CELSR1: variants seen among roughly 807,000 people sequenced by gnomAD.
CELSR1 encodes cadherin EGF LAG seven-pass G-type receptor 1.
A neutral mutation model predicts 249.1 loss-of-function variants in CELSR1; 110 were observed. The observed-to-expected ratio is 0.44, with a 90% CI of 0.38 to 0.52. The LOEUF (loss-of-function observed/expected upper bound fraction) is 0.52. Among genes scored for constraint, CELSR1 ranks in the 20% least tolerant of loss-of-function variants. CELSR1 has a pLI of 0.00. For missense variants in CELSR1, 4,109 were observed against 4,296.4 expected (o/e 0.96, Z 1.22); for synonymous variants, 2,113 against 1,900.0 (o/e 1.11, Z -2.92).
rs371626351 is a variant in CELSR1, at chr22:46,407,195, A to G, written c.5226+1801T>C. 1.3e-3 allele frequency among the ~76,000 whole-genome samples: 194 copies of G among 152,270 alleles called. 5 individuals are homozygous for G. In the South Asian group the frequency reaches 0.033, roughly 26 times the overall value. On this transcript the variant is annotated intron_variant, in intron 9 of 34. Coordinates refer to ENST00000674500, the MANE Select transcript of CELSR1 (RefSeq NM_001378328.1). The surrounding 1 kb of genome is among the most constrained non-coding windows in gnomAD (Gnocchi z 4.8). ...TCAGTGCTGCTCTGAGACCATGTGCACCCAGGTCTCATCACATGGGTGCAC... is the reference window on the plus strand; with the variant it reads ...TCAGTGCTGCTCTGAGACCATGTGCGCCCAGGTCTCATCACATGGGTGCAC...
chr22:46,374,973 C>T lies in CELSR1; in HGVS notation c.7585-1916G>A, dbSNP rs149311830. On this transcript the variant is annotated intron_variant, in intron 24 of 34. Coordinates refer to ENST00000674500, the MANE Select transcript of CELSR1 (RefSeq NM_001378328.1). This position sits in a 1 kb window ranked among gnomAD's most constrained non-coding sequence, Gnocchi z 4.3. ...CTGGTCTGACACACGCCTCGGGGCTCGTCCTTCATGGGCCAGGCCTGGTGC... is the reference window on the plus strand; with the variant it reads ...CTGGTCTGACACACGCCTCGGGGCTTGTCCTTCATGGGCCAGGCCTGGTGC... Among the ~76,000 whole-genome samples the T allele has an allele frequency of 3.3e-5, 5 of 152,224 alleles. No homozygotes were observed. Among genetic ancestry groups the T allele is most frequent in the African/African-American group, 1.2e-4 (5 of 41,550 alleles).
At chr22:46,444,124 G>A (rs1011636996) in intron 2 of CELSR1, among the ~76,000 whole-genome samples, 5 of 152,224 alleles carry the variant, frequency 3.3e-5, no homozygotes, top group Admixed American at 2.0e-4. Flanking sequence ...TGAGGCCCAG[G>A]CCCATGACCT....
rs956196298 is a variant in CELSR1 at position 46,518,280 on chromosome 22, C to G, written c.3544+15347G>C. Among the ~76,000 whole-genome samples, 1 of 152,212 alleles carries G rather than the reference C, an allele frequency of 6.6e-6. No individual in the cohort carries two copies. Among genetic ancestry groups the G allele is most frequent in the Admixed American group, 6.5e-5 (1 of 15,288 alleles). On this transcript the variant is annotated intron_variant, in intron 1 of 34. Transcript: ENST00000674500. This position sits in a 1 kb window ranked among gnomAD's most constrained non-coding sequence, Gnocchi z 5.2. Reference sequence around the variant, plus strand: ...CTCAGCACAGACGCTGCTATCACAGCAGACCTTACTGAGGAGTCAGAGCCT... The same window carrying G: ...CTCAGCACAGACGCTGCTATCACAGGAGACCTTACTGAGGAGTCAGAGCCT...
chr22:46,496,669 C>T (rs1438997322), intron 1 of CELSR1, among the ~76,000 whole-genome samples: 3 of 151,798 alleles, frequency 2.0e-5, no homozygotes, highest in Non-Finnish European at 4.4e-5. Flanking sequence ...GACATAAACA[C>T]ACACCTTAGC....
At chr22:46,404,487 C>T (rs757440315) in intron 9 of CELSR1, among the ~76,000 whole-genome samples, 2 of 152,106 alleles carry the variant, frequency 1.3e-5, no homozygotes, top group African/African-American at 4.8e-5. Context: ...CTAAATATCA[C>T]ATCAGTCTAA....
intron 3 of CELSR1, among the ~76,000 whole-genome samples, chr22:46,438,271 T>C (rs1796531189): frequency 6.6e-6 from 1 of 152,058 alleles, no homozygotes; most frequent in African/African-American, 2.4e-5. Context: ...CGGAGCCCAC[T>C]TGGGAGCCTG....
In CELSR1 at chr22:46,396,553, C is replaced by T; in HGVS notation, c.5843+52G>A. On this transcript the variant is annotated intron_variant, in intron 13 of 34. Transcript: ENST00000674500. This position sits in a 1 kb window ranked among gnomAD's most constrained non-coding sequence, Gnocchi z 6.4. ...AAGAGAAGACACTGAGTCGAGGGAACACAGCCACATGGACTCTGAAGGTGC... is the reference window on the plus strand; with the variant it reads ...AAGAGAAGACACTGAGTCGAGGGAATACAGCCACATGGACTCTGAAGGTGC... 6.9e-7 allele frequency: 1 copy of T among 1,455,046 alleles called. No homozygotes were observed. Among genetic ancestry groups the T allele is most frequent in the Non-Finnish European group, 9.1e-7 (1 of 1,102,580 alleles). 90.1% of individuals were successfully genotyped at this position (1,455,046 alleles called of 1,614,324 possible). A position where few individuals can be genotyped will look rare whatever the true frequency, so the allele number is the denominator to read the frequency against.
chr22:46,397,229 A>T (rs1308965586), intron 12 of CELSR1, among the ~76,000 whole-genome samples: 1 of 145,550 alleles, frequency 6.9e-6, no homozygotes, highest in Non-Finnish European at 1.5e-5. Context: ...TCAGCCTCCC[A>T]CGTAGCTAGG....
chr22:46,443,574 AC>A (rs1417020464), intron 2 of CELSR1, among the ~76,000 whole-genome samples: 1 of 152,256 alleles, frequency 6.6e-6, no homozygotes, highest in Non-Finnish European at 1.5e-5. Context: ...ACACACCTGC[AC>A]ACACATTTGC....
intron 5 of CELSR1, among the ~76,000 whole-genome samples, chr22:46,425,264 T>C (rs1177154521): frequency 6.6e-6 from 1 of 152,206 alleles, no homozygotes; most frequent in African/African-American, 2.4e-5. Flanking sequence ...TGTGGTTTTG[T>C]TTAGTCTGTC....
rs1410944284 is a variant in CELSR1, at chr22:46,437,057, A to G, written c.4407-768T>C. Among the ~76,000 whole-genome samples, 1 of 152,214 alleles carries G rather than the reference A, an allele frequency of 6.6e-6. No individual in the cohort carries two copies. The highest frequency in any genetic ancestry group is 1.5e-5 in the Non-Finnish European group (1 of 68,026). On this transcript the variant is annotated intron_variant, in intron 3 of 34. Transcript: ENST00000674500. The surrounding 1 kb of genome is among the most constrained non-coding windows in gnomAD (Gnocchi z 4.9). ...AGAACCCAAAGAAGATCTGGTCCATATCAGTGCTTAATATGGGCTGTTTGA... is the reference window on the plus strand; with the variant it reads ...AGAACCCAAAGAAGATCTGGTCCATGTCAGTGCTTAATATGGGCTGTTTGA...
chr22:46,510,207 T>C (rs192331639), intron 1 of CELSR1, among the ~76,000 whole-genome samples: 23 of 152,104 alleles, frequency 1.5e-4, no homozygotes, highest in Middle Eastern at 3.4e-3. Flanking sequence ...TGGTGTGAAA[T>C]AAAAAAATGA....
intron 24 of CELSR1, among the ~76,000 whole-genome samples, chr22:46,376,165 A>C (rs1427473669): frequency 6.6e-6 from 1 of 152,254 alleles, no homozygotes; most frequent in Non-Finnish European, 1.5e-5. Context: ...ATTAATGAGC[A>C]TAACATTTAT....
rs1334463350 is a variant in CELSR1, at chr22:46,367,015, G to T, written c.8183C>A (p.Thr2728Asn). The change falls in exon 29 of 35, where the codon ACC becomes AAC. Residue 2728 changes from threonine to asparagine, a missense_variant. Physicochemically the swap from Thr to Asn is moderately conservative, Grantham distance 65. Coordinates refer to ENST00000674500, the MANE Select transcript of CELSR1 (RefSeq NM_001378328.1). ...TACCGTCAGCAGGGTGGCCCTGGTG[G>T]TGGCGGAGTCCTCCAGGTGCAGCTT... ...GRKLHLEDSA[T>N]TRATLLTRSL... is the part of the protein sequence containing the mutation. 1.9e-6 allele frequency: 3 copies of T among 1,610,238 alleles called. No homozygotes were observed. The highest frequency in any genetic ancestry group is 3.3e-5 in the Admixed American group (2 of 59,882).
chr22:46,389,370 G>C lies in CELSR1; in HGVS notation c.6475C>G (p.Leu2159Val), dbSNP rs141102005. The C allele has an allele frequency of 1.2e-6, 2 of 1,610,902 alleles. No individual in the cohort carries two copies. Among genetic ancestry groups the C allele is most frequent in the African/African-American group, 2.7e-5 (2 of 74,946 alleles). The change falls in exon 18 of 35, where the codon CTG becomes GTG. Residue 2159 changes from leucine to valine, a missense_variant. By Grantham distance (32) the Leu-to-Val change is conservative. Coordinates refer to ENST00000674500, the MANE Select transcript of CELSR1 (RefSeq NM_001378328.1). ...TCGTGCTGAAGGACGTGGCCCAGCAGCTGGTAGGCCGTGCGCACGTCATTG... is the reference window on the plus strand; with the variant it reads ...TCGTGCTGAAGGACGTGGCCCAGCACCTGGTAGGCCGTGCGCACGTCATTG... ...FGNDVRTAYQ[L>V]LGHVLQHESW...
chr22:46,535,079 C>T lies in CELSR1; in HGVS notation c.2092G>A (p.Glu698Lys). ...TQPTYELRLN[E>K]DAAVGSSVLT... ...ACGCTGCTCCCCACGGCCGCATCCTCATTCAGACGAAGCTCGTAGGTGGGC... is the reference window on the plus strand; with the variant it reads ...ACGCTGCTCCCCACGGCCGCATCCTTATTCAGACGAAGCTCGTAGGTGGGC... Residue 698 changes from glutamate (E) to lysine (K), a missense_variant, in exon 1 of 35, where the codon GAG (glutamate) becomes AAG (lysine). Glu to Lys is a moderately conservative substitution (Grantham distance 56, BLOSUM62 1). Transcript: ENST00000674500. The T allele has an allele frequency of 6.2e-7, 1 of 1,612,448 alleles. No homozygotes were observed. The highest frequency in any genetic ancestry group is 8.5e-7 in the Non-Finnish European group (1 of 1,179,960).
intron 1 of CELSR1, among the ~76,000 whole-genome samples, chr22:46,522,463 CT>C (rs2080696113): frequency 6.6e-6 from 1 of 152,076 alleles, no homozygotes; most frequent in African/African-American, 2.4e-5. Flanking sequence ...TTTTTTTGTG[CT>C]TATTGGCCAC....
chr22:46,529,366 C>G (rs1206719295), intron 1 of CELSR1, among the ~76,000 whole-genome samples: 1 of 152,012 alleles, frequency 6.6e-6, no homozygotes, highest in African/African-American at 2.4e-5. Flanking sequence ...AAACAAATAT[C>G]CCACGTTCAC....
chr22:46,391,619 G>A lies in CELSR1; in HGVS notation c.6148+14C>T, dbSNP rs1453956836. 15 of 1,580,262 alleles carry A rather than the reference G, an allele frequency of 9.5e-6. No homozygotes were observed. The highest frequency in any genetic ancestry group is 1.3e-5 in the Non-Finnish European group (15 of 1,168,256). On this transcript the variant is annotated intron_variant, in intron 15 of 34. Transcript: ENST00000674500. This position sits in a 1 kb window ranked among gnomAD's most constrained non-coding sequence, Gnocchi z 4.3. ...CGCGCTGTAACCTGCAGGGTGTCGA[G>A]GGGCAACGCGGACCTTCACAGCCGA... is the stretch of plus-strand genomic sequence containing the variant.
Sources: gnomAD v4.1 joint callset for allele counts (sites outside exome capture counted in the v4.1 genomes callset) on GRCh38, gnomAD v4.1.1 for gene constraint, Gnocchi (gnomAD v3.1) non-coding constraint, MANE v1.5 for transcripts, NCBI Gene and HGNC (gene_info 2026-07-23, HGNC 2026-07-21) for gene names.